CNTNAP2: variants seen among roughly 807,000 people sequenced by gnomAD.
CNTNAP2 encodes the protein contactin-associated protein-like 2.
CNTNAP2 carries 98 observed loss-of-function variants against 155.2 expected under a neutral mutation model. That is an observed-to-expected ratio of 0.63 (90% confidence interval 0.54 to 0.75). The LOEUF is 0.75. Ranked by LOEUF, CNTNAP2 falls within the 30% of genes least tolerant of loss-of-function variation. The probability of loss-of-function intolerance (pLI) is 0.00; values close to 1 mark genes in which losing one functional copy is unlikely to be tolerated. For synonymous variants in CNTNAP2, 651 were observed against 631.2 expected, an observed-to-expected ratio of 1.03 and a Z score of -0.47; for missense variants, 1,727 against 1,688.1, an observed-to-expected ratio of 1.02 and a Z score of -0.40.
intron 9 of CNTNAP2, among the ~76,000 whole-genome samples, chr7:147,368,263 A>G (rs1796278572): frequency 6.6e-6 from 1 of 151,912 alleles, no homozygotes; most frequent in Admixed American, 6.6e-5. Flanking sequence ...TGACAGGTTC[A>G]GGGTCATTCT....
intron 1 of CNTNAP2, among the ~76,000 whole-genome samples, chr7:146,669,176 C>T (rs1001365541): frequency 2.6e-5 from 4 of 152,122 alleles, no homozygotes; most frequent in African/African-American, 9.7e-5. Flanking sequence ...CTCTCATAGC[C>T]ACTTTGACTG....
At chr7:148,196,370 G>C (rs1795278334) in intron 18 of CNTNAP2, among the ~76,000 whole-genome samples, 1 of 152,170 alleles carries the variant, frequency 6.6e-6, no homozygotes, top group African/African-American at 2.4e-5. Context: ...GGATAGAAGA[G>C]TTCGCTGCAG....
intron 2 of CNTNAP2, 147 bp downstream of exon 2, chr7:146,774,528 C>A: frequency 1.6e-6 from 1 of 643,870 alleles, no homozygotes; most frequent in Non-Finnish European, 2.8e-6. Flanking sequence ...TCCATAGATG[C>A]CATTAACCTC....
intron 12 of CNTNAP2, among the ~76,000 whole-genome samples, chr7:147,591,892 T>A (rs147698523): frequency 7.7e-4 from 118 of 152,288 alleles, no homozygotes; most frequent in African/African-American, 2.6e-3. Context: ...CAAATTTTCT[T>A]TGCCTGAAAT....
chr7:146,985,867 G>A (rs1238565288), intron 3 of CNTNAP2, among the ~76,000 whole-genome samples: 1 of 151,834 alleles, frequency 6.6e-6, no homozygotes, highest in Non-Finnish European at 1.5e-5. Context: ...TCCAAACCCT[G>A]GCATTCAATT....
At position 147,150,453 on chromosome 7, in the gene CNTNAP2, G is replaced by GA. The variant is rs548355326; in HGVS notation, c.1348+17952dup. On this transcript the variant is annotated intron_variant, in intron 8 of 23. Transcript: ENST00000361727. ...GTTCAGAAGTACAAAGAAGATAATA[G>GA]AAAAAAAAGTAATAAACCTAAGCAG... is the stretch of plus-strand genomic sequence containing the variant. Among the ~76,000 whole-genome samples the GA allele has an allele frequency of 2.4e-3, 371 of 151,796 alleles. 2 individuals carry two copies. The highest frequency in any genetic ancestry group is 8.5e-3 in the African/African-American group (354 of 41,422).
chr7:146,163,879 T>G lies in CNTNAP2; in HGVS notation c.97+46906T>G, dbSNP rs573452176. On this transcript the variant is annotated intron_variant, in intron 1 of 23. Transcript: ENST00000361727. ...TGAAGGTTTATAATTGGCGTTTGGT[T>G]GAGTTTAGTAAGTGTTCCAGACCCA... is the stretch of plus-strand genomic sequence containing the variant. Among the ~76,000 whole-genome samples the G allele has an allele frequency of 1.1e-4, 16 of 152,256 alleles. No homozygotes were observed. The South Asian group carries it at 3.3e-3, about 32-fold the overall frequency.
chr7:148,227,303 GAC>G (rs2116774641), intron 19 of CNTNAP2, among the ~76,000 whole-genome samples: 1 of 152,296 alleles, frequency 6.6e-6, no homozygotes, highest in Non-Finnish European at 1.5e-5. Context: ...ACAGAAGTGA[GAC>G]AGAGGGCTCA....
At chr7:147,717,849 C>T (rs1396552121) in intron 13 of CNTNAP2, among the ~76,000 whole-genome samples, 1 of 151,820 alleles carries the variant, frequency 6.6e-6, no homozygotes, top group East Asian at 1.9e-4. Flanking sequence ...CCACTGCACT[C>T]CAGCCTGGGC....
chr7:148,070,348 G>C (rs1266363878), intron 15 of CNTNAP2, among the ~76,000 whole-genome samples: 2 of 152,204 alleles, frequency 1.3e-5, no homozygotes, highest in Non-Finnish European at 2.9e-5. Flanking sequence ...TGAACTTGCT[G>C]TTAAAAAAGC....
chr7:146,145,657 C>G (rs1797947673), intron 1 of CNTNAP2, among the ~76,000 whole-genome samples: 2 of 152,080 alleles, frequency 1.3e-5, no homozygotes, highest in South Asian at 4.1e-4. Context: ...TATTACTGAC[C>G]ATGGTCCCAC....
intron 15 of CNTNAP2, among the ~76,000 whole-genome samples, chr7:148,061,884 T>C (rs1803141952): frequency 8.5e-6 from 1 of 117,590 alleles, no homozygotes; most frequent in Non-Finnish European, 1.6e-5. Flanking sequence ...CAGATATAGA[T>C]AGATAGATAG....
At chr7:146,675,276 A>G (rs1279591809) in intron 1 of CNTNAP2, among the ~76,000 whole-genome samples, 1 of 152,142 alleles carries the variant, frequency 6.6e-6, no homozygotes, top group Non-Finnish European at 1.5e-5. Context: ...TACTGGTGAC[A>G]TACCCTCCTG....
At chr7:146,994,708 T>C (rs1021240466) in intron 3 of CNTNAP2, among the ~76,000 whole-genome samples, 1 of 152,278 alleles carries the variant, frequency 6.6e-6, no homozygotes, top group African/African-American at 2.4e-5. Flanking sequence ...CTGTGGTGAT[T>C]TAAAACTCTC....
chr7:148,185,099 A>G (rs1244169855), intron 18 of CNTNAP2, among the ~76,000 whole-genome samples: 1 of 152,140 alleles, frequency 6.6e-6, no homozygotes, highest in African/African-American at 2.4e-5. Context: ...TTCCCTCTCA[A>G]TTGTTGACAT....
chr7:147,897,660 C>T (rs1799798832), intron 13 of CNTNAP2, among the ~76,000 whole-genome samples: 1 of 152,330 alleles, frequency 6.6e-6, no homozygotes, highest in African/African-American at 2.4e-5. Flanking sequence ...TGTCCTCTCT[C>T]TATAACATGG....
intron 13 of CNTNAP2, among the ~76,000 whole-genome samples, chr7:147,771,241 A>T (rs75967419): frequency 0.013 from 2,032 of 152,344 alleles, 104 homozygotes; most frequent in Admixed American, 0.09. Flanking sequence ...GAAACCATAA[A>T]GCTTTTAGAA....
intron 2 of CNTNAP2, among the ~76,000 whole-genome samples, chr7:146,830,534 A>T (rs991847601): frequency 6.6e-6 from 1 of 152,168 alleles, no homozygotes; most frequent in African/African-American, 2.4e-5. Context: ...TGTAAATATA[A>T]TATTCTACTT....
intron 14 of CNTNAP2, among the ~76,000 whole-genome samples, chr7:147,970,378 C>A (rs1271392618): frequency 3.9e-5 from 6 of 151,976 alleles, no homozygotes; most frequent in Non-Finnish European, 1.5e-5. Context: ...TAAACACTTG[C>A]TATGGAAAAA....
Sources: allele counts gnomAD v4.1 joint callset (sites outside exome capture counted in the v4.1 genomes callset), GRCh38; gene constraint gnomAD v4.1.1; transcripts MANE v1.5; gene names NCBI Gene and HGNC (gene_info 2026-07-23, HGNC 2026-07-21).